The following ESRRG variants were observed in gnomAD, a reference collection of about 807,000 sequenced individuals.
ESRRG encodes the protein estrogen-related receptor gamma.
Under a neutral mutation model 44.0 loss-of-function variants are expected in ESRRG, and 13 were observed. The ratio of observed to expected loss-of-function variants is 0.30; its 90% CI spans 0.19 to 0.47. The LOEUF (loss-of-function observed/expected upper bound fraction) is 0.47, where lower values mean the gene tolerates loss of function less well. ESRRG is among the 20% of genes least tolerant of loss of function. The pLI is 1.00. For missense variants in ESRRG, 395 were observed against 580.6 expected (o/e 0.68, Z 3.29); for synonymous variants, 215 against 214.6 (o/e 1.00, Z -0.02).
chr1:216,721,082 G>A (rs1343897772), intron 1 of ESRRG, among the ~76,000 whole-genome samples: 1 of 152,148 alleles, frequency 6.6e-6, no homozygotes, highest in African/African-American at 2.4e-5. Flanking sequence ...TATGCTATCA[G>A]CTATTACTGC....
intron 2 of ESRRG, among the ~76,000 whole-genome samples, chr1:216,742,910 G>A (rs1240674563): frequency 6.6e-6 from 1 of 152,134 alleles, no homozygotes; most frequent in African/African-American, 2.4e-5. Flanking sequence ...CAAAATAGGA[G>A]CATTCAACCT....
chr1:217,058,233 C>T (rs749817703), intron 1 of ESRRG, among the ~76,000 whole-genome samples: 42 of 152,140 alleles, frequency 2.8e-4, no homozygotes, highest in Non-Finnish European at 3.7e-4. Context: ...GACTTTCTAA[C>T]GCAAACGCTT....
At chr1:216,879,557 C>A (rs1174832257) in intron 2 of ESRRG, among the ~76,000 whole-genome samples, 1 of 151,276 alleles carries the variant, frequency 6.6e-6, no homozygotes, top group Non-Finnish European at 1.5e-5. Flanking sequence ...CACGATGCTG[C>A]ATTAATGCAA....
intron 3 of ESRRG, among the ~76,000 whole-genome samples, chr1:216,615,424 G>T (rs545807164): frequency 2.0e-5 from 3 of 152,110 alleles, no homozygotes; most frequent in Non-Finnish European, 1.5e-5. Context: ...TTTCCTTAAC[G>T]TAGGGCTTGT....
chr1:216,613,387 A>G (rs767665644), intron 3 of ESRRG, among the ~76,000 whole-genome samples: 1 of 152,206 alleles, frequency 6.6e-6, no homozygotes, highest in Non-Finnish European at 1.5e-5. Context: ...CGCCAAACAC[A>G]GAATGTGTTT....
chr1:216,557,719 A>C (rs1284830704), intron 5 of ESRRG, among the ~76,000 whole-genome samples: 1 of 152,204 alleles, frequency 6.6e-6, no homozygotes, highest in Non-Finnish European at 1.5e-5. Context: ...AAAGTTGTAA[A>C]CCAAATAGAT....
intron 2 of ESRRG, among the ~76,000 whole-genome samples, chr1:216,671,935 G>A (rs1232209064): frequency 6.6e-6 from 1 of 151,798 alleles, no homozygotes; most frequent in Non-Finnish European, 1.5e-5. Flanking sequence ...ACTTATACTT[G>A]GGTATAAGGA....
intron 3 of ESRRG, among the ~76,000 whole-genome samples, chr1:216,578,664 C>A (rs777343036): frequency 1.3e-5 from 2 of 152,126 alleles, no homozygotes; most frequent in African/African-American, 2.4e-5. Flanking sequence ...CATTACTGAA[C>A]CCCATTCATC....
At chr1:216,544,558 G>T (rs1455157573) in intron 5 of ESRRG, among the ~76,000 whole-genome samples, 5 of 151,910 alleles carry the variant, frequency 3.3e-5, no homozygotes, top group Non-Finnish European at 7.4e-5. Flanking sequence ...TTTCATGCAG[G>T]CTCCCTTACT....
chr1:217,112,439 G>A (rs1245465886), intron 1 of ESRRG, among the ~76,000 whole-genome samples: 2 of 152,116 alleles, frequency 1.3e-5, no homozygotes, highest in Non-Finnish European at 2.9e-5. Flanking sequence ...TGGAGAAAGG[G>A]CACCTGAATT....
intron 1 of ESRRG, among the ~76,000 whole-genome samples, chr1:217,051,691 T>C (rs1365974908): frequency 6.6e-6 from 1 of 152,180 alleles, no homozygotes; most frequent in African/African-American, 2.4e-5. Context: ...GGCCTGACCA[T>C]GCTTTTAAAC....
rs1260199942 is a variant in ESRRG at position 216,719,080 on chromosome 1, C to G, written c.56+4164G>C. Among the ~76,000 whole-genome samples, 6 of 151,968 alleles carry G rather than the reference C, an allele frequency of 3.9e-5. No homozygotes were observed. In the South Asian group the frequency reaches 1.2e-3, roughly 31 times the overall value. On this transcript the variant is annotated intron_variant, in intron 1 of 6. Transcript: ENST00000408911. ...TACAAGTAAGACAGAGAAATATTTTCTTTAGTCATTGAGCTAAAACAAATG... is the reference window on the plus strand; with the variant it reads ...TACAAGTAAGACAGAGAAATATTTTGTTTAGTCATTGAGCTAAAACAAATG...
At chr1:216,644,361 G>A (rs796512478) in intron 3 of ESRRG, among the ~76,000 whole-genome samples, 19 of 151,802 alleles carry the variant, frequency 1.3e-4, no homozygotes, top group African/African-American at 4.3e-4. Flanking sequence ...CTACAAAGTG[G>A]AGAAAATATT....
At chr1:216,638,028 T>C (rs2065651455) in intron 3 of ESRRG, among the ~76,000 whole-genome samples, 1 of 152,146 alleles carries the variant, frequency 6.6e-6, no homozygotes, top group Non-Finnish European at 1.5e-5. Context: ...AAAAGTCATA[T>C]TTTATTGAGC....
At position 216,664,738 on chromosome 1, in the gene ESRRG, G is replaced by A. The variant is rs79165917; in HGVS notation, c.472+12338C>T. Among the ~76,000 whole-genome samples the A allele has an allele frequency of 8.3e-3, 1,239 of 149,190 alleles. 18 individuals carry two copies. Among genetic ancestry groups the A allele is most frequent in the African/African-American group, 0.029 (1,168 of 40,936 alleles). On this transcript the variant is annotated intron_variant, in intron 2 of 6. Transcript: ENST00000408911. ...AATAACCAAGCACTGAAAAGAATAC[G>A]AAGAAATTAGAACACTTGTGCTCTG...
intron 1 of ESRRG, among the ~76,000 whole-genome samples, chr1:216,976,249 G>A (rs539697953): frequency 2.8e-4 from 42 of 151,204 alleles, no homozygotes; most frequent in African/African-American, 9.7e-4. Context: ...AGCCATATAA[G>A]CATAACCCAG....
intron 1 of ESRRG, among the ~76,000 whole-genome samples, chr1:216,984,834 T>C (rs2074602037): frequency 6.6e-6 from 1 of 152,190 alleles, no homozygotes; most frequent in South Asian, 2.1e-4. Context: ...GAAGTCTGGG[T>C]CCATAAACCA....
At chr1:216,533,126 A>G (rs1288312477) in intron 5 of ESRRG, among the ~76,000 whole-genome samples, 1 of 152,112 alleles carries the variant, frequency 6.6e-6, no homozygotes, top group African/African-American at 2.4e-5. Flanking sequence ...ATGGGTTATA[A>G]TTTGTATGTG....
At chr1:216,750,674 A>C (rs1472905096) in intron 2 of ESRRG, among the ~76,000 whole-genome samples, 1 of 152,138 alleles carries the variant, frequency 6.6e-6, no homozygotes, top group African/African-American at 2.4e-5. Context: ...ATCAAATGTC[A>C]CAAATTAATA....
Sources: allele counts gnomAD v4.1 joint callset (sites outside exome capture counted in the v4.1 genomes callset), GRCh38; gene constraint gnomAD v4.1.1; transcripts MANE v1.5; gene names NCBI Gene and HGNC (gene_info 2026-07-23, HGNC 2026-07-21).